The following SLC22A15 variants were observed in gnomAD, a reference collection of about 807,000 sequenced individuals.
The protein encoded by SLC22A15 is solute carrier family 22 member 15.
A neutral mutation model predicts 62.7 loss-of-function variants in SLC22A15; 45 were observed. The observed-to-expected ratio is 0.72, with a 90% CI of 0.56 to 0.92. The LOEUF (loss-of-function observed/expected upper bound fraction) is 0.92. Among genes scored for constraint, SLC22A15 ranks in the 40% least tolerant of loss-of-function variants. SLC22A15 has a pLI of 0.00. For synonymous variants in SLC22A15, 264 were observed against 267.0 expected, an observed-to-expected ratio of 0.99 and a Z score of 0.11; for missense variants, 622 against 665.6, an observed-to-expected ratio of 0.93 and a Z score of 0.72.
At chr1:116,046,708 C>T (rs1657938479) in intron 8 of SLC22A15, among the ~76,000 whole-genome samples, 1 of 152,194 alleles carries the variant, frequency 6.6e-6, no homozygotes, top group Non-Finnish European at 1.5e-5. Flanking sequence ...GACCCGGAGA[C>T]ATTCCAAATA....
At chr1:116,002,150 C>T (rs530408268) in intron 2 of SLC22A15, among the ~76,000 whole-genome samples, 1 of 152,190 alleles carries the variant, frequency 6.6e-6, no homozygotes, top group Non-Finnish European at 1.5e-5. Flanking sequence ...TCCTGGATTA[C>T]CAGGCAGAGC....
At chr1:116,005,636 TA>T (rs1655938505) in intron 2 of SLC22A15, among the ~76,000 whole-genome samples, 2 of 152,140 alleles carry the variant, frequency 1.3e-5, no homozygotes, top group Non-Finnish European at 2.9e-5. Context: ...TCACTATAGG[TA>T]AACTCCAATT....
chr1:116,044,289 G>A (rs1352571560), intron 8 of SLC22A15, among the ~76,000 whole-genome samples: 4 of 152,212 alleles, frequency 2.6e-5, no homozygotes, highest in African/African-American at 9.7e-5. Context: ...CAAATGCAAG[G>A]TTGGTTTAAC....
chr1:115,984,832 CAAAT>C (rs1654779610), intron 1 of SLC22A15, among the ~76,000 whole-genome samples: 1 of 151,648 alleles, frequency 6.6e-6, no homozygotes, highest in South Asian at 2.1e-4. Context: ...TAGGTTTTAA[CAAAT>C]AAGTTCAAAA....
chr1:116,023,092 G>T (rs893725996), intron 4 of SLC22A15, among the ~76,000 whole-genome samples: 1 of 152,096 alleles, frequency 6.6e-6, no homozygotes, highest in Admixed American at 6.5e-5. Context: ...GGGATTTGCT[G>T]GAAATAGCCT....
chr1:116,004,629 G>T (rs1655887966), intron 2 of SLC22A15, among the ~76,000 whole-genome samples: 2 of 152,184 alleles, frequency 1.3e-5, no homozygotes, highest in African/African-American at 2.4e-5. Context: ...GAGGAGTATT[G>T]CTCTGTAGTT....
At chr1:116,031,679 T>A in intron 6 of SLC22A15, 98 bp downstream of exon 6, 1 of 1,531,290 alleles carries the variant, frequency 6.5e-7, no homozygotes, top group Non-Finnish European at 8.8e-7. Flanking sequence ...GAATTTTACC[T>A]CTTTTGTTAG....
chr1:116,038,678 C>T (rs1657696357), intron 8 of SLC22A15, among the ~76,000 whole-genome samples: 1 of 152,212 alleles, frequency 6.6e-6, no homozygotes. Flanking sequence ...ACTAGGTGCT[C>T]AGTTTTGTTT....
intron 8 of SLC22A15, among the ~76,000 whole-genome samples, chr1:116,057,685 A>G (rs184001167): frequency 1.3e-5 from 2 of 152,370 alleles, no homozygotes; most frequent in Admixed American, 1.3e-4. Flanking sequence ...AGAGTGGATT[A>G]AGAAAATGTG....
chr1:115,979,610 A>G (rs557667783), intron 1 of SLC22A15, among the ~76,000 whole-genome samples: 34 of 152,306 alleles, frequency 2.2e-4, no homozygotes, highest in African/African-American at 7.0e-4. Flanking sequence ...TCTATTTAGC[A>G]TATTACTGTT....
At chr1:116,038,316 G>A (rs2101479985) in intron 8 of SLC22A15, among the ~76,000 whole-genome samples, 1 of 152,278 alleles carries the variant, frequency 6.6e-6, no homozygotes, top group East Asian at 1.9e-4. Flanking sequence ...TTTTGTCAGA[G>A]TATATCAGGT....
At chr1:115,989,378 A>C (rs892969653) in intron 1 of SLC22A15, among the ~76,000 whole-genome samples, 1 of 152,178 alleles carries the variant, frequency 6.6e-6, no homozygotes, top group Non-Finnish European at 1.5e-5. Flanking sequence ...AACTGGCTTT[A>C]TTGAGAATGG....
At chr1:115,982,500 A>G (rs957523826) in intron 1 of SLC22A15, among the ~76,000 whole-genome samples, 8 of 152,310 alleles carry the variant, frequency 5.3e-5, no homozygotes, top group South Asian at 2.1e-4. Flanking sequence ...GAACAACTAC[A>G]TATTTTTTAG....
At chr1:116,026,854 G>T in intron 4 of SLC22A15, 39 bp from the exon 5 acceptor site, 1 of 1,607,868 alleles carries the variant, frequency 6.2e-7, no homozygotes, top group Non-Finnish European at 8.5e-7. Flanking sequence ...GCTGCAGATG[G>T]TGCTTTCTCC....
intron 2 of SLC22A15, among the ~76,000 whole-genome samples, chr1:115,992,890 G>A (rs997480306): frequency 1.2e-4 from 18 of 152,104 alleles, no homozygotes; most frequent in Middle Eastern, 3.2e-3. Context: ...CTCCCAAAGT[G>A]CTGGGATTAC....
chr1:116,052,087 G>A (rs530813990), intron 8 of SLC22A15, among the ~76,000 whole-genome samples: 4 of 152,340 alleles, frequency 2.6e-5, no homozygotes, highest in South Asian at 2.1e-4. Context: ...TGCGCGAGCC[G>A]AAGCATGGCT....
intron 8 of SLC22A15, among the ~76,000 whole-genome samples, chr1:116,060,740 C>T (rs529133168): frequency 6.6e-6 from 1 of 152,262 alleles, no homozygotes; most frequent in South Asian, 2.1e-4. Context: ...GTTGTTAGAT[C>T]TCAAAAGTTG....
chr1:115,982,777 T>G (rs1167050199), intron 1 of SLC22A15, among the ~76,000 whole-genome samples: 1 of 152,224 alleles, frequency 6.6e-6, no homozygotes, highest in African/African-American at 2.4e-5. Flanking sequence ...GGTTAGCTGG[T>G]GTAAATTTTC....
chr1:116,042,989 A>G (rs1158156889), intron 8 of SLC22A15, among the ~76,000 whole-genome samples: 1 of 152,244 alleles, frequency 6.6e-6, no homozygotes, highest in East Asian at 1.9e-4. Flanking sequence ...CCAGACTAGA[A>G]TTAAACTAAA....
Sources: allele counts gnomAD v4.1 joint callset (sites outside exome capture counted in the v4.1 genomes callset), GRCh38; gene constraint gnomAD v4.1.1; transcripts MANE v1.5; gene names NCBI Gene and HGNC (gene_info 2026-07-23, HGNC 2026-07-21).